CEP112: variants seen among roughly 807,000 people sequenced by gnomAD.
The protein encoded by CEP112 is centrosomal protein 112.
Under a neutral mutation model 153.0 loss-of-function variants are expected in CEP112, and 127 were observed. The ratio of observed to expected loss-of-function variants is 0.83; its 90% CI spans 0.72 to 0.96. The LOEUF (loss-of-function observed/expected upper bound fraction) is 0.96, where lower values mean the gene tolerates loss of function less well. CEP112 is among the 40% of genes least tolerant of loss of function. CEP112 has a pLI of 0.00. For synonymous variants in CEP112, 358 were observed against 374.4 expected (o/e 0.96, Z 0.51); for missense variants, 1,089 against 1,101.2 (o/e 0.99, Z 0.16).
Position 65,902,254 on chromosome 17 carries a change from G to C in CEP112, c.2061C>G (p.Val687=). 1.2e-6 allele frequency: 2 copies of C among 1,613,906 alleles called. No individual in the cohort carries two copies. Among genetic ancestry groups the C allele is most frequent in the Non-Finnish European group, 1.7e-6 (2 of 1,179,956 alleles). Residue 687 remains valine, a synonymous_variant, in exon 20 of 27, where the codon GTC becomes GTG. Coordinates refer to ENST00000535342, the MANE Select transcript of CEP112 (RefSeq NM_001199165.4). The part of the protein sequence containing the change: ...QQHNAEKDSL[V]RDHEREIENL... ...TTTCAATTTCCCGTTCATGGTCTCG[G>C]ACTAGGCTATCCTTCTCTGCGTTAT...
chr17:66,121,274 C>T (rs1014910735), intron 6 of CEP112, among the ~76,000 whole-genome samples: 18 of 119,116 alleles, frequency 1.5e-4, no homozygotes, highest in African/African-American at 5.2e-4. Flanking sequence ...GACACTTCGT[C>T]TCAAAAAAAA....
At chr17:65,961,645 G>T in intron 17 of CEP112, 47 bp from the exon 18 acceptor site, 1 of 1,515,678 alleles carries the variant, frequency 6.6e-7, no homozygotes, top group Non-Finnish European at 8.9e-7. Context: ...AAAAGAGCTA[G>T]GCCTGAATGA....
At chr17:66,174,778 C>T (rs1868252509) in intron 4 of CEP112, among the ~76,000 whole-genome samples, 1 of 152,070 alleles carries the variant, frequency 6.6e-6, no homozygotes, top group Non-Finnish European at 1.5e-5. Context: ...ATTGATAATG[C>T]TTTTAATGTA....
At chr17:66,156,466 G>A (rs1222894190) in intron 4 of CEP112, among the ~76,000 whole-genome samples, 1 of 152,084 alleles carries the variant, frequency 6.6e-6, no homozygotes, top group Non-Finnish European at 1.5e-5. Flanking sequence ...AAACCAGAAC[G>A]CCTCTTCTCC....
At chr17:65,823,433 AG>A (rs1272208705) in intron 21 of CEP112, among the ~76,000 whole-genome samples, 7 of 152,222 alleles carry the variant, frequency 4.6e-5, no homozygotes, top group African/African-American at 1.2e-4. Context: ...CAATGGAGAA[AG>A]GATAGTCTTT....
intron 17 of CEP112, among the ~76,000 whole-genome samples, chr17:65,996,129 CGTGTGTGTGTGTGTGTGT>C (rs3055983): frequency 2.7e-5 from 4 of 145,684 alleles, no homozygotes; most frequent in African/African-American, 5.1e-5. Flanking sequence ...GAAAAATATA[CGTGTGTGTGTGTGTGTGT>C]GTGTGTGTGT....
chr17:65,973,879 T>A (rs560048440), intron 17 of CEP112, among the ~76,000 whole-genome samples: 1 of 152,320 alleles, frequency 6.6e-6, no homozygotes, highest in African/African-American at 2.4e-5. Flanking sequence ...ATACTTTAAA[T>A]ATGTGAAATT....
At chr17:66,067,853 C>T (rs1253459126) in intron 9 of CEP112, among the ~76,000 whole-genome samples, 1 of 152,040 alleles carries the variant, frequency 6.6e-6, no homozygotes, top group African/African-American at 2.4e-5. Flanking sequence ...GAGTATAATT[C>T]ATCACATTGC....
At chr17:65,975,684 C>A (rs1341071708) in intron 17 of CEP112, among the ~76,000 whole-genome samples, 1 of 152,150 alleles carries the variant, frequency 6.6e-6, no homozygotes, top group Non-Finnish European at 1.5e-5. Flanking sequence ...CTTAGCATTT[C>A]TTAAAACAAT....
At chr17:65,829,920 T>C (rs965283157) in intron 21 of CEP112, among the ~76,000 whole-genome samples, 3 of 152,224 alleles carry the variant, frequency 2.0e-5, no homozygotes, top group Non-Finnish European at 2.9e-5. Flanking sequence ...TTAAAATGTA[T>C]AGACACCCTA....
chr17:65,990,114 A>G (rs995347114), intron 17 of CEP112, among the ~76,000 whole-genome samples: 4 of 152,220 alleles, frequency 2.6e-5, no homozygotes, highest in Non-Finnish European at 5.9e-5. Context: ...AAGAGAAGTT[A>G]CCAAACAACC....
At chr17:65,732,414 CA>C (rs2050563860) in intron 23 of CEP112, among the ~76,000 whole-genome samples, 1 of 152,204 alleles carries the variant, frequency 6.6e-6, no homozygotes, top group Non-Finnish European at 1.5e-5. Flanking sequence ...TTAGATTTAG[CA>C]TCATTCTTTA....
At chr17:65,954,057 G>A (rs1019207325) in intron 18 of CEP112, among the ~76,000 whole-genome samples, 3 of 152,080 alleles carry the variant, frequency 2.0e-5, no homozygotes, top group South Asian at 2.1e-4. Flanking sequence ...CAAAACCAGC[G>A]CACTAAACAA....
intron 21 of CEP112, among the ~76,000 whole-genome samples, chr17:65,841,284 G>GT (rs2057506377): frequency 6.6e-6 from 1 of 152,016 alleles, no homozygotes; most frequent in Admixed American, 6.5e-5. Flanking sequence ...GAAAGAAAAT[G>GT]TGCGATATAT....
At chr17:66,014,009 A>G (rs1395228466) in intron 16 of CEP112, among the ~76,000 whole-genome samples, 1 of 152,212 alleles carries the variant, frequency 6.6e-6, no homozygotes, top group Non-Finnish European at 1.5e-5. Context: ...AAATGGCAGC[A>G]CTGCAACACA....
intron 21 of CEP112, among the ~76,000 whole-genome samples, chr17:65,801,895 C>G (rs2055301711): frequency 6.6e-6 from 1 of 152,122 alleles, no homozygotes; most frequent in Non-Finnish European, 1.5e-5. Context: ...TGTGCCCATG[C>G]CACACTTTGT....
chr17:65,826,398 C>T, intron 21 of CEP112: 3 of 1,582,304 alleles, frequency 1.9e-6, no homozygotes, highest in Non-Finnish European at 2.6e-6. Context: ...AGTGAGAGCA[C>T]AGCCTCCCTC....
intron 24 of CEP112, among the ~76,000 whole-genome samples, chr17:65,643,030 C>G (rs1016425390): frequency 6.6e-6 from 1 of 152,160 alleles, no homozygotes; most frequent in Non-Finnish European, 1.5e-5. Context: ...CACACCATCC[C>G]GGGACAAGTG....
intron 11 of CEP112, among the ~76,000 whole-genome samples, chr17:66,061,484 A>G (rs1442829426): frequency 2.6e-5 from 4 of 152,084 alleles, no homozygotes; most frequent in African/African-American, 9.7e-5. Context: ...TCCCACATTT[A>G]CTGCAGCATT....
Sources: allele counts gnomAD v4.1 joint callset (sites outside exome capture counted in the v4.1 genomes callset), GRCh38; gene constraint gnomAD v4.1.1; transcripts MANE v1.5; gene names NCBI Gene and HGNC (gene_info 2026-07-23, HGNC 2026-07-21).